The following VLDLR variants were observed in gnomAD, a reference collection of about 807,000 sequenced individuals.
VLDLR encodes the protein very low density lipoprotein receptor.
A neutral mutation model predicts 112.7 loss-of-function variants in VLDLR; 81 were observed. The ratio of observed to expected loss-of-function variants is 0.72; its 90% CI spans 0.60 to 0.86. The LOEUF (loss-of-function observed/expected upper bound fraction) is 0.86. VLDLR is among the 40% of genes least tolerant of loss of function. The pLI is 0.00. For missense variants in VLDLR, 1,237 were observed against 1,099.4 expected (o/e 1.13, Z -1.77); for synonymous variants, 436 against 384.8 (o/e 1.13, Z -1.56).
chr9:2,643,586 C>G (rs541704600), intron 5 of VLDLR, 42 bp from the exon 6 acceptor site: 3 of 1,614,226 alleles, frequency 1.9e-6, no homozygotes, highest in Non-Finnish European at 1.7e-6. Context: ...TCAACTGGGA[C>G]AATTTGCTGG....
At chr9:2,642,058 C>T (rs1310413771) in intron 4 of VLDLR, among the ~76,000 whole-genome samples, 4 of 151,654 alleles carry the variant, frequency 2.6e-5, no homozygotes, top group Non-Finnish European at 5.9e-5. Flanking sequence ...ATACCTTTGT[C>T]TCCTGTTGCA....
intron 1 of VLDLR, among the ~76,000 whole-genome samples, chr9:2,632,866 G>A (rs1238747666): frequency 6.6e-6 from 1 of 152,142 alleles, no homozygotes. Context: ...ACTAGGAAAC[G>A]AAGAGGCATA....
intron 1 of VLDLR, among the ~76,000 whole-genome samples, chr9:2,626,632 A>C (rs1271877806): frequency 6.6e-6 from 1 of 152,144 alleles, no homozygotes; most frequent in East Asian, 1.9e-4. Context: ...TGTAGTTTAG[A>C]GATGCTGGAA....
chr9:2,643,949 G>A lies in VLDLR; in HGVS notation c.1056G>A (p.Leu352=), dbSNP rs769934852. 3.7e-6 allele frequency: 6 copies of A among 1,614,070 alleles called. No individual in the cohort carries two copies. The Admixed American group carries it at 1.0e-4, about 27-fold the overall frequency. Residue 352 remains leucine (L), a synonymous_variant, in exon 7 of 19, where the codon CTG becomes CTA. Coordinates refer to ENST00000382100, the MANE Select transcript of VLDLR (RefSeq NM_003383.5). ...QDCRDWSDEP[L]KECHINECLV... ...GCAGGGACTGGAGTGATGAGCCCCT[G>A]AAAGAGTGTCGTAAGTGTACTTGTT...
chr9:2,640,019 T>C (rs372028858), intron 3 of VLDLR, 38 bp downstream of exon 3: 17 of 1,614,000 alleles, frequency 1.1e-5, no homozygotes, highest in Non-Finnish European at 1.3e-5. Context: ...CTTTGCCAAG[T>C]TGTTCGGTGT....
intron 17 of VLDLR, 91 bp downstream of exon 17, chr9:2,652,045 C>G (rs372076606): frequency 1.7e-6 from 2 of 1,167,546 alleles, no homozygotes; most frequent in South Asian, 2.5e-5. Context: ...CTTTCATGGG[C>G]CTTTATGCTG....
rs534736946 is a variant in VLDLR at position 2,626,148 on chromosome 9, G to C, written c.82+3877G>C. The stretch of plus-strand genomic sequence containing the variant: ...TATCTGAAATACTTGAAACCAGAAG[G>C]GTTCCACAGAGTTTAGATTTTTTCA... On this transcript the variant is annotated intron_variant, in intron 1 of 18. Coordinates refer to ENST00000382100, the MANE Select transcript of VLDLR (RefSeq NM_003383.5). Among the ~76,000 whole-genome samples, 7 of 152,280 alleles carry C rather than the reference G, an allele frequency of 4.6e-5. No homozygotes were observed. The East Asian group carries it at 7.7e-4, about 17-fold the overall frequency.
intron 2 of VLDLR, among the ~76,000 whole-genome samples, chr9:2,637,551 G>T (rs4740698): frequency 0.61 from 92,235 of 151,974 alleles, 28,409 homozygotes; most frequent in Admixed American, 0.69. Flanking sequence ...TGAAGAGAGA[G>T]AACCATACGG....
rs1303194666 is a variant in VLDLR at position 2,657,370 on chromosome 9, CT to C, written c.*3503del. Reference sequence around the variant, plus strand: ...TAAGTTGAAGTACTATGAATACAACCTGCTAATCTTGATCCCCAAATCTGAG... The same window carrying C: ...TAAGTTGAAGTACTATGAATACAACCGCTAATCTTGATCCCCAAATCTGAG... On this transcript the variant is annotated 3_prime_UTR_variant, in exon 19 of 19. Transcript: ENST00000382100. 3 of 152,154 alleles carry C rather than the reference CT, an allele frequency of 2.0e-5. No individual in the cohort carries two copies. The highest frequency in any genetic ancestry group is 4.4e-5 in the Non-Finnish European group (3 of 68,024). The allele number at this position is 152,154 out of a possible 1,614,324, so 9.4% of individuals were successfully genotyped here.
At chr9:2,622,440 A>C (rs1416897943) in intron 1 of VLDLR, 169 bp downstream of exon 1, 7 of 570,910 alleles carry the variant, frequency 1.2e-5, no homozygotes, top group Non-Finnish European at 1.9e-5. Context: ...GTCAGCGCCG[A>C]GGCTAAAGGG....
In VLDLR at chr9:2,622,702, G is replaced by C. The variant is rs902645722; in HGVS notation, c.82+431G>C. ...CGGGCGCACCCTCGAACCCCGGGGA[G>C]TGCGGGAGCGGACGGGGGGAGAAGG... On this transcript the variant is annotated intron_variant, in intron 1 of 18. Transcript: ENST00000382100. Among the ~76,000 whole-genome samples, 72 of 152,192 alleles carry C rather than the reference G, an allele frequency of 4.7e-4. 1 individual carries two copies. Among genetic ancestry groups the C allele is most frequent in the Non-Finnish European group, 1.2e-4 (8 of 68,014 alleles).
At chr9:2,639,126 A>G (rs772674995) in intron 2 of VLDLR, among the ~76,000 whole-genome samples, 1 of 152,252 alleles carries the variant, frequency 6.6e-6, no homozygotes, top group Non-Finnish European at 1.5e-5. Context: ...CAAAAATACC[A>G]TAAGTGGGTG....
chr9:2,635,968 TC>T (rs1182560947), intron 2 of VLDLR, among the ~76,000 whole-genome samples: 1 of 152,302 alleles, frequency 6.6e-6, no homozygotes, highest in Middle Eastern at 3.4e-3. Flanking sequence ...CCATAAAGTT[TC>T]AGGGGGTTAA....
chr9:2,629,162 C>A lies in VLDLR; in HGVS notation c.83-6291C>A, dbSNP rs567067050. On this transcript the variant is annotated intron_variant, in intron 1 of 18. Transcript: ENST00000382100. ...AGAATCCAGGCTGGGGCCCAGCATT[C>A]TGTGTTTTAACAAGCCTTCCTGGGG... 2.0e-5 allele frequency among the ~76,000 whole-genome samples: 3 copies of A among 152,356 alleles called. No individual in the cohort carries two copies. In the South Asian group the frequency reaches 6.2e-4, roughly 32 times the overall value.
chr9:2,657,191 T>C lies in VLDLR; in HGVS notation c.*3323T>C, dbSNP rs1311719991. On this transcript the variant is annotated 3_prime_UTR_variant, in exon 19 of 19. Transcript: ENST00000382100. ...AGATTCTAGGGGTCACTTATCTCTATTACGTAATCTAACTGGAATAATTTC... is the reference window on the plus strand; with the variant it reads ...AGATTCTAGGGGTCACTTATCTCTACTACGTAATCTAACTGGAATAATTTC... 6 of 152,154 alleles carry C rather than the reference T, an allele frequency of 3.9e-5. No homozygotes were observed. The highest frequency in any genetic ancestry group is 1.4e-4 in the African/African-American group (6 of 41,440). The allele number at this position is 152,154 out of a possible 1,614,324, so 9.4% of individuals were successfully genotyped here. A position where few individuals can be genotyped will look rare whatever the true frequency, so the allele number is the denominator to read the frequency against.
Position 2,645,001 on chromosome 9 carries a change from A to G in VLDLR, c.1231A>G (p.Ile411Val), listed in dbSNP as rs1563760599. 2 of 1,614,228 alleles carry G rather than the reference A, an allele frequency of 1.2e-6. No individual in the cohort carries two copies. Among genetic ancestry groups the G allele is most frequent in the Non-Finnish European group, 1.7e-6 (2 of 1,180,038 alleles). Residue 411 changes from isoleucine (I) to valine (V), a missense_variant, in exon 9 of 19, where the codon ATC (isoleucine) becomes GTC (valine). Coordinates refer to ENST00000382100, the MANE Select transcript of VLDLR (RefSeq NM_003383.5). ...TCCAGGAATCTGCAGTCAAATTTGT[A>G]TCAACTTAAAAGGCGGTTACAAGTG... ...QNPGICSQIC[I>V]NLKGGYKCEC... is the part of the protein sequence containing the mutation.
chr9:2,638,337 A>T (rs948226315), intron 2 of VLDLR, among the ~76,000 whole-genome samples: 8 of 152,184 alleles, frequency 5.3e-5, no homozygotes, highest in Non-Finnish European at 1.2e-4. Context: ...ACTCTCAACC[A>T]GAGTGGTCCA....
In VLDLR at chr9:2,650,369, G is replaced by C; in HGVS notation, c.2105-1G>C. The C allele has an allele frequency of 6.2e-7, 1 of 1,613,952 alleles. No individual in the cohort carries two copies. The highest frequency in any genetic ancestry group is 8.5e-7 in the Non-Finnish European group (1 of 1,179,976). ...TTAATGGTATTTTTTTTCCTGACTA[G>C]GTAAAAATTGGTGTGAAGAAGACAT... On this transcript the variant is annotated splice_acceptor_variant, in intron 14 of 18. Coordinates refer to ENST00000382100, the MANE Select transcript of VLDLR (RefSeq NM_003383.5). LOFTEE classifies it high-confidence loss of function.
At chr9:2,624,512 C>T (rs958158366) in intron 1 of VLDLR, among the ~76,000 whole-genome samples, 2 of 152,200 alleles carry the variant, frequency 1.3e-5, no homozygotes, top group African/African-American at 4.8e-5. Flanking sequence ...GGTTCTGGGA[C>T]ATTTTCCTTC....
Sources: allele counts gnomAD v4.1 joint callset (sites outside exome capture counted in the v4.1 genomes callset), GRCh38; gene constraint gnomAD v4.1.1; transcripts MANE v1.5; gene names NCBI Gene and HGNC (gene_info 2026-07-23, HGNC 2026-07-21).